The following GABRA2 variants were observed in gnomAD, a reference collection of about 807,000 sequenced individuals.
GABRA2 encodes the protein gamma-aminobutyric acid type A receptor subunit alpha2, also known as gamma-aminobutyric acid receptor subunit alpha-2.
A neutral mutation model predicts 48.7 loss-of-function variants in GABRA2; 16 were observed. The ratio of observed to expected loss-of-function variants is 0.33; its 90% CI spans 0.22 to 0.50. GABRA2 has a LOEUF of 0.50. GABRA2 is among the 20% of genes least tolerant of loss of function. The pLI is 0.98. For missense variants in GABRA2, 275 were observed against 535.6 expected, an observed-to-expected ratio of 0.51 and a Z score of 4.80; for synonymous variants, 185 against 184.5, an observed-to-expected ratio of 1.00 and a Z score of -0.02.
chr4:46,347,036 A>G (rs1734255644), intron 3 of GABRA2, among the ~76,000 whole-genome samples: 3 of 151,934 alleles, frequency 2.0e-5, no homozygotes, highest in African/African-American at 7.2e-5. Flanking sequence ...AGTAAATTTA[A>G]CCAAGGAGCT....
chr4:46,388,654 A>C lies in GABRA2; in HGVS notation c.53T>G (p.Leu18Trp). ...ATCTCACCTGGCAGGGTCCCACACC[A>C]AGAAAACAAAAAGCAGGAACTGCAT... ...YNMQFLLFVFLVWDPARLVLA... is the reference protein window; with the variant it reads ...YNMQFLLFVFWVWDPARLVLA... Residue 18 changes from leucine (L) to tryptophan (W), a missense_variant, in exon 2 of 10, where the codon TTG becomes TGG. Leu to Trp is a moderately conservative substitution (Grantham distance 61). Transcript: ENST00000381620. 1 of 1,614,204 alleles carries C rather than the reference A, an allele frequency of 6.2e-7. No individual in the cohort carries two copies. Among genetic ancestry groups the C allele is most frequent in the Non-Finnish European group, 8.5e-7 (1 of 1,180,028 alleles).
intron 8 of GABRA2, among the ~76,000 whole-genome samples, chr4:46,299,995 G>A (rs1051756620): frequency 6.6e-6 from 1 of 151,810 alleles, no homozygotes; most frequent in African/African-American, 2.4e-5. Flanking sequence ...ATAGCATGTG[G>A]CTTATTATAA....
At chr4:46,284,790 TA>T (rs544705564) in intron 8 of GABRA2, among the ~76,000 whole-genome samples, 9 of 151,766 alleles carry the variant, frequency 5.9e-5, no homozygotes, top group African/African-American at 1.2e-4. Flanking sequence ...ATTAATTTTT[TA>T]AAAAAAATTC....
intron 8 of GABRA2, among the ~76,000 whole-genome samples, chr4:46,274,515 A>AT (rs1273518096): frequency 6.6e-6 from 1 of 152,086 alleles, no homozygotes; most frequent in East Asian, 1.9e-4. Context: ...ATAGAGAAAA[A>AT]TGGGCCTTAA....
intron 3 of GABRA2, among the ~76,000 whole-genome samples, chr4:46,349,138 C>G (rs1734690104): frequency 6.6e-6 from 1 of 151,818 alleles, no homozygotes; most frequent in African/African-American, 2.4e-5. Context: ...CTGTTTCACA[C>G]AATGGACCAG....
intron 8 of GABRA2, among the ~76,000 whole-genome samples, chr4:46,280,931 A>G (rs914267756): frequency 2.0e-5 from 3 of 152,202 alleles, no homozygotes; most frequent in Non-Finnish European, 2.9e-5. Flanking sequence ...GTGACCATCT[A>G]TAAGCTGGAA....
At chr4:46,309,781 T>C (rs986473530) in intron 6 of GABRA2, among the ~76,000 whole-genome samples, 3 of 152,106 alleles carry the variant, frequency 2.0e-5, no homozygotes, top group Admixed American at 1.3e-4. Context: ...TGCATGTCAT[T>C]TGCAACAGGC....
In GABRA2 at chr4:46,335,214, T is replaced by C. The variant is rs115567908; in HGVS notation, c.188-2532A>G. Among the ~76,000 whole-genome samples, 535 of 152,230 alleles carry C rather than the reference T, an allele frequency of 3.5e-3. 1 individual carries two copies. The highest frequency in any genetic ancestry group is 0.012 in the African/African-American group (486 of 41,560). Reference sequence around the variant, plus strand: ...AGGGAGATTATATGAATGTAGGCTATTTCCAGTAGAATACAGGTTATTCTA... The same window carrying C: ...AGGGAGATTATATGAATGTAGGCTACTTCCAGTAGAATACAGGTTATTCTA... On this transcript the variant is annotated intron_variant, in intron 3 of 9. Coordinates refer to ENST00000381620, the MANE Select transcript of GABRA2 (RefSeq NM_000807.4).
chr4:46,388,450 T>C (rs1177587363), intron 2 of GABRA2, among the ~76,000 whole-genome samples, 186 bp downstream of exon 2: 1 of 152,228 alleles, frequency 6.6e-6, no homozygotes, highest in Non-Finnish European at 1.5e-5. Context: ...CTTTTGGATC[T>C]TATCACTAAG....
intron 3 of GABRA2, among the ~76,000 whole-genome samples, chr4:46,385,041 C>T (rs932984498): frequency 8.0e-5 from 12 of 149,584 alleles, no homozygotes; most frequent in African/African-American, 2.9e-4. Context: ...CAACTTTTTT[C>T]TTACCCATGG....
At chr4:46,305,772 C>A (rs963089694) in intron 6 of GABRA2, 61 bp from the exon 7 acceptor site, 12 of 1,237,350 alleles carry the variant, frequency 9.7e-6, no homozygotes, top group African/African-American at 3.0e-5. Flanking sequence ...TCTAGTGCTA[C>A]ACGAACGGTT....
intron 3 of GABRA2, among the ~76,000 whole-genome samples, chr4:46,357,591 G>C (rs1012500823): frequency 1.3e-5 from 2 of 150,948 alleles, no homozygotes. Flanking sequence ...ACTGTTCTAG[G>C]GTCTGAGGAT....
At chr4:46,261,844 C>CCGG in intron 9 of GABRA2, 82 bp downstream of exon 9, 1 of 822,340 alleles carries the variant, frequency 1.2e-6, no homozygotes, top group African/African-American at 1.8e-5. Flanking sequence ...TCTTTAATGT[C>CCGG]AGTTTTTAGA....
At chr4:46,305,338 C>T (rs1726488390) in intron 7 of GABRA2, among the ~76,000 whole-genome samples, 1 of 150,708 alleles carries the variant, frequency 6.6e-6, no homozygotes, top group African/African-American at 2.4e-5. Flanking sequence ...GTGTGCAGCA[C>T]ACCAACATGG....
chr4:46,252,761 C>A (rs190050537), intron 9 of GABRA2, among the ~76,000 whole-genome samples: 80 of 151,312 alleles, frequency 5.3e-4, no homozygotes, highest in Admixed American at 4.8e-3. Context: ...TTATTTAAAC[C>A]AAATTGAAAC....
chr4:46,306,543 G>T (rs1340246344), intron 6 of GABRA2, among the ~76,000 whole-genome samples: 1 of 152,172 alleles, frequency 6.6e-6, no homozygotes, highest in Non-Finnish European at 1.5e-5. Context: ...ACCTCTCCAT[G>T]CAGGCAGAGT....
intron 3 of GABRA2, among the ~76,000 whole-genome samples, chr4:46,383,666 T>G (rs1717062998): frequency 6.6e-6 from 1 of 152,006 alleles, no homozygotes; most frequent in Non-Finnish European, 1.5e-5. Flanking sequence ...TTAAAAAAAT[T>G]TGAGAGAAAA....
At chr4:46,382,969 C>T (rs1716964498) in intron 3 of GABRA2, among the ~76,000 whole-genome samples, 2 of 152,002 alleles carry the variant, frequency 1.3e-5, no homozygotes, top group Admixed American at 6.6e-5. Flanking sequence ...CCATTTTTCC[C>T]TTATTATTCA....
intron 8 of GABRA2, among the ~76,000 whole-genome samples, chr4:46,272,238 T>A (rs934868060): frequency 2.6e-5 from 4 of 151,902 alleles, no homozygotes; most frequent in Non-Finnish European, 5.9e-5. Context: ...GGCACAACTG[T>A]AAACCCCAAT....
Sources: allele counts gnomAD v4.1 joint callset (sites outside exome capture counted in the v4.1 genomes callset), GRCh38; gene constraint gnomAD v4.1.1; transcripts MANE v1.5; gene names NCBI Gene and HGNC (gene_info 2026-07-23, HGNC 2026-07-21).